GGACT: variants seen among roughly 807,000 people sequenced by gnomAD.
The protein encoded by GGACT is gamma-glutamylaminecyclotransferase.
For missense variants in GGACT, 241 were observed against 233.2 expected (o/e 1.03, Z -0.22); for synonymous variants, 118 against 115.3 (o/e 1.02, Z -0.15).
At chr13:100,572,304 C>T (rs1267484454) in intron 2 of GGACT, among the ~76,000 whole-genome samples, 1 of 152,172 alleles carries the variant, frequency 6.6e-6, no homozygotes, top group African/African-American at 2.4e-5. Context: ...CACAAAAAGA[C>T]AAATGCTGTA....
chr13:100,551,818 G>A (rs1400057214), intron 2 of GGACT, among the ~76,000 whole-genome samples: 1 of 152,208 alleles, frequency 6.6e-6, no homozygotes, highest in Non-Finnish European at 1.5e-5. Context: ...TCAGGTTAAG[G>A]AATTTCTCTC....
chr13:100,546,361 C>CAAAAAAAA (rs778470021), intron 2 of GGACT, among the ~76,000 whole-genome samples: 2 of 54,618 alleles, frequency 3.7e-5, no homozygotes, highest in Non-Finnish European at 7.3e-5. Flanking sequence ...GACTCTGTCT[C>CAAAAAAAA]AAAAAAAAAA....
At chr13:100,553,426 T>C (rs1170801784) in intron 2 of GGACT, among the ~76,000 whole-genome samples, 1 of 152,130 alleles carries the variant, frequency 6.6e-6, no homozygotes, top group Non-Finnish European at 1.5e-5. Flanking sequence ...AACTGTGGTA[T>C]ACCTGGGATA....
rs534621656 is a variant in GGACT, at chr13:100,532,635, C to CA, written c.-10-35dup. Reference sequence around the variant, plus strand: ...AGAGGGGAAGTCACAGGTCAGCCCGCAGTGGGAGCTCTGTGTCTGCACCTG... The same window carrying CA: ...AGAGGGGAAGTCACAGGTCAGCCCGCAAGTGGGAGCTCTGTGTCTGCACCTG... On this transcript the variant is annotated intron_variant, in intron 2 of 2. Coordinates refer to ENST00000683975, the MANE Select transcript of GGACT (RefSeq NM_001195087.2). 55 of 1,473,590 alleles carry CA rather than the reference C, an allele frequency of 3.7e-5. No individual in the cohort carries two copies. The South Asian group carries it at 7.1e-4, about 19-fold the overall frequency. 91.3% of individuals were successfully genotyped at this position (1,473,590 alleles called of 1,614,324 possible). A position where few individuals can be genotyped will look rare whatever the true frequency, so the allele number is the denominator to read the frequency against.
chr13:100,584,617 A>G (rs2153017598), intron 1 of GGACT, among the ~76,000 whole-genome samples: 1 of 152,304 alleles, frequency 6.6e-6, no homozygotes, highest in East Asian at 1.9e-4. Context: ...TTTAAAAATA[A>G]CTAAGAGTAT....
intron 2 of GGACT, chr13:100,537,468 CGAGA>C (rs1566528776): frequency 6.6e-6 from 1 of 152,288 alleles, no homozygotes; most frequent in Admixed American, 6.6e-5. Flanking sequence ...GCTGCTGAGA[CGAGA>C]GAAAGGAAAG....
At chr13:100,580,484 T>G (rs1157744861) in intron 2 of GGACT, among the ~76,000 whole-genome samples, 1 of 152,146 alleles carries the variant, frequency 6.6e-6, no homozygotes, top group East Asian at 1.9e-4. Context: ...CATACAGCCT[T>G]TGGAGGGAGG....
intron 1 of GGACT, among the ~76,000 whole-genome samples, chr13:100,584,709 TC>T (rs1238134816): frequency 1.3e-5 from 2 of 152,218 alleles, no homozygotes; most frequent in Non-Finnish European, 2.9e-5. Flanking sequence ...ACATTGTATC[TC>T]ATATACCTTG....
chr13:100,537,603 T>C (rs535943680), intron 2 of GGACT: 16 of 152,360 alleles, frequency 1.1e-4, no homozygotes, highest in African/African-American at 3.1e-4. Context: ...GAAGCCACAG[T>C]GTCATTGAGG....
chr13:100,583,198 A>G (rs765978747), intron 2 of GGACT, among the ~76,000 whole-genome samples: 4 of 152,190 alleles, frequency 2.6e-5, no homozygotes, highest in Non-Finnish European at 5.9e-5. Flanking sequence ...CCTAGCTCTC[A>G]TTACATTTTC....
At chr13:100,562,671 C>A (rs935034241) in intron 2 of GGACT, among the ~76,000 whole-genome samples, 1 of 151,928 alleles carries the variant, frequency 6.6e-6, no homozygotes, top group Non-Finnish European at 1.5e-5. Flanking sequence ...TGGTGCATGC[C>A]GGTAATCCCA....
In GGACT at chr13:100,532,458, G is replaced by A. The variant is rs934050720; in HGVS notation, c.134C>T (p.Ala45Val). 9.7e-6 allele frequency: 15 copies of A among 1,549,610 alleles called. No individual in the cohort carries two copies. The highest frequency in any genetic ancestry group is 2.4e-5 in the East Asian group (1 of 40,918). ...RTLEPYPLVI[A>V]GEHNIPWLLH... ...CAGCCACGGGATGTTGTGCTCCCCC[G>A]CGATCACCAACGGGTAGGGCTCCAG... Residue 45 changes from alanine to valine, a missense_variant, in exon 3 of 3, where the codon GCG becomes GTG. Ala to Val is a moderately conservative substitution (Grantham distance 64). Coordinates refer to ENST00000683975, the MANE Select transcript of GGACT (RefSeq NM_001195087.2).
intron 2 of GGACT, 39 bp from the exon 3 acceptor site, chr13:100,532,640 G>A: frequency 6.8e-7 from 1 of 1,460,850 alleles, no homozygotes; most frequent in Non-Finnish European, 9.2e-7. Flanking sequence ...GCCCGCAGTG[G>A]GAGCTCTGTG....
At chr13:100,568,382 A>C (rs562307810) in intron 2 of GGACT, among the ~76,000 whole-genome samples, 1 of 152,236 alleles carries the variant, frequency 6.6e-6, no homozygotes, top group African/African-American at 2.4e-5. Flanking sequence ...GGAACCAAAC[A>C]TGTCCTTCTT....
At chr13:100,575,800 G>A (rs1439299688) in intron 2 of GGACT, among the ~76,000 whole-genome samples, 1 of 152,160 alleles carries the variant, frequency 6.6e-6, no homozygotes, top group Non-Finnish European at 1.5e-5. Flanking sequence ...GTTTGCTACA[G>A]TTAAAGGGCA....
At chr13:100,586,213 T>G (rs1478672960) in intron 1 of GGACT, among the ~76,000 whole-genome samples, 1 of 152,118 alleles carries the variant, frequency 6.6e-6, no homozygotes, top group Non-Finnish European at 1.5e-5. Flanking sequence ...CTGAACAATT[T>G]AGGGGTGAAG....
At chr13:100,563,889 G>T (rs913835857) in intron 2 of GGACT, among the ~76,000 whole-genome samples, 8 of 152,204 alleles carry the variant, frequency 5.3e-5, no homozygotes, top group African/African-American at 1.9e-4. Context: ...GTGCCTTCCA[G>T]GCAAGGAGCG....
intron 2 of GGACT, among the ~76,000 whole-genome samples, chr13:100,562,998 A>C (rs2088778951): frequency 6.6e-6 from 1 of 152,014 alleles, no homozygotes; most frequent in Non-Finnish European, 1.5e-5. Flanking sequence ...GACTCCACAC[A>C]ATCTTACTTA....
chr13:100,536,394 T>C (rs2088492677), intron 2 of GGACT: 1 of 152,110 alleles, frequency 6.6e-6, no homozygotes, highest in South Asian at 2.1e-4. Flanking sequence ...CCAATGTTTT[T>C]ATATTTTCTC....
Sources: gnomAD v4.1 joint callset for allele counts (sites outside exome capture counted in the v4.1 genomes callset) on GRCh38, gnomAD v4.1.1 for gene constraint, MANE v1.5 for transcripts, NCBI Gene and HGNC (gene_info 2026-07-23, HGNC 2026-07-21) for gene names.